Variants in KLHL32 observed in about 807,000 individuals in gnomAD.
KLHL32 encodes the protein kelch like family member 32, also known as kelch-like protein 32.
KLHL32 carries 35 observed loss-of-function variants against 64.8 expected under a neutral mutation model. The ratio of observed to expected loss-of-function variants is 0.54; its 90% confidence interval spans 0.41 to 0.72. KLHL32 has a LOEUF of 0.72. Ranked by LOEUF, KLHL32 falls within the 30% of genes least tolerant of loss-of-function variation. The pLI is 0.00. For synonymous variants in KLHL32, 259 were observed against 281.0 expected, an observed-to-expected ratio of 0.92 and a Z score of 0.78; for missense variants, 589 against 768.5, an observed-to-expected ratio of 0.77 and a Z score of 2.76.
chr6:97,068,026 AC>A (rs1790085166), intron 5 of KLHL32, among the ~76,000 whole-genome samples: 1 of 152,008 alleles, frequency 6.6e-6, no homozygotes, highest in African/African-American at 2.4e-5. Flanking sequence ...ACACACACAC[AC>A]ACACACATAC....
chr6:96,900,605 T>C, the KLHL32 span, among the ~76,000 whole-genome samples: 1 of 152,224 alleles, frequency 6.6e-6, no homozygotes, highest in Admixed American at 6.5e-5. Context: ...TAGTCCCCAC[T>C]TTGTTTCCCT....
chr6:97,008,992 A>G (rs557984987), intron 3 of KLHL32, among the ~76,000 whole-genome samples: 3 of 152,154 alleles, frequency 2.0e-5, no homozygotes, highest in East Asian at 1.9e-4. Flanking sequence ...AATTTATAAC[A>G]TCTCTGTTCA....
chr6:97,128,781 TTGGTGGCTCACC>T (rs1799136114), intron 8 of KLHL32, among the ~76,000 whole-genome samples: 1 of 152,236 alleles, frequency 6.6e-6, no homozygotes, highest in African/African-American at 2.4e-5. Context: ...TTTGCAGCGG[TTGGTGGCTCACC>T]TGGCAGGCAC....
intron 7 of KLHL32, among the ~76,000 whole-genome samples, chr6:97,125,812 A>C (rs1798811622): frequency 6.6e-6 from 1 of 152,194 alleles, no homozygotes; most frequent in African/African-American, 2.4e-5. Context: ...ATTCCCATAG[A>C]GGCTGGGATA....
intron 4 of KLHL32, among the ~76,000 whole-genome samples, chr6:97,060,517 T>C (rs1788704550): frequency 1.3e-5 from 2 of 152,108 alleles, no homozygotes; most frequent in African/African-American, 4.8e-5. Flanking sequence ...GCCCACGTCA[T>C]CATGCTCTAT....
intron 3 of KLHL32, among the ~76,000 whole-genome samples, chr6:96,982,744 C>T (rs111975251): frequency 0.011 from 1,691 of 152,032 alleles, 41 homozygotes; most frequent in African/African-American, 0.039. Flanking sequence ...TCCTGAGATG[C>T]TGCTGAAGTT....
At chr6:96,939,650 G>C (rs186070143) in intron 1 of KLHL32, among the ~76,000 whole-genome samples, 1 of 152,280 alleles carries the variant, frequency 6.6e-6, no homozygotes, top group Admixed American at 6.5e-5. Context: ...TCAACACAGT[G>C]GGGTGCAGAG....
At chr6:96,980,070 A>G (rs575532624) in intron 3 of KLHL32, among the ~76,000 whole-genome samples, 4 of 152,128 alleles carry the variant, frequency 2.6e-5, no homozygotes, top group Non-Finnish European at 4.4e-5. Flanking sequence ...GGCAGAGACT[A>G]TGTGGAGAGT....
chr6:96,921,134 A>G (rs533725461), upstream of KLHL32, among the ~76,000 whole-genome samples: 7 of 152,314 alleles, frequency 4.6e-5, no homozygotes, highest in South Asian at 2.1e-4. Flanking sequence ...ATGATGACTA[A>G]GAATCCTCTT....
chr6:96,914,369 C>A, the KLHL32 span, among the ~76,000 whole-genome samples: 1 of 152,040 alleles, frequency 6.6e-6, no homozygotes, highest in African/African-American at 2.4e-5. Flanking sequence ...TTAACTTTGA[C>A]TTTTTATCTA....
chr6:97,066,636 G>A (rs1023738393), intron 5 of KLHL32, among the ~76,000 whole-genome samples: 1 of 152,080 alleles, frequency 6.6e-6, no homozygotes, highest in African/African-American at 2.4e-5. Context: ...ACTTGTAGAA[G>A]GAAATTTTGA....
chr6:96,901,733 C>T, the KLHL32 span, among the ~76,000 whole-genome samples: 1 of 152,158 alleles, frequency 6.6e-6, no homozygotes, highest in African/African-American at 2.4e-5. Context: ...CTCCCTCCTC[C>T]CACCCTCCGA....
At position 96,985,095 on chromosome 6, in the gene KLHL32, T is replaced by C. The variant is rs148280312; in HGVS notation, c.204+8918T>C. On this transcript the variant is annotated intron_variant, in intron 3 of 10. Coordinates refer to ENST00000369261, the MANE Select transcript of KLHL32 (RefSeq NM_052904.4). ...GTGACAAAATCTCTCAGTATTTGCT[T>C]GTCTGTAACAGATTTTATTTCTCCT... Among the ~76,000 whole-genome samples, 1,379 of 152,314 alleles carry C rather than the reference T, an allele frequency of 9.1e-3. 20 individuals are homozygous for C. The highest frequency in any genetic ancestry group is 0.03 in the African/African-American group (1,251 of 41,568).
intron 3 of KLHL32, among the ~76,000 whole-genome samples, chr6:96,981,247 G>T (rs935244107): frequency 2.0e-5 from 3 of 152,044 alleles, no homozygotes; most frequent in East Asian, 3.8e-4. Flanking sequence ...ACTTCTTATT[G>T]GTCTGTACAG....
chr6:96,947,419 A>G (rs1396747221), intron 1 of KLHL32, among the ~76,000 whole-genome samples: 1 of 152,230 alleles, frequency 6.6e-6, no homozygotes, highest in African/African-American at 2.4e-5. Context: ...AGACACAACC[A>G]CATGTTAGGA....
At position 97,127,272 on chromosome 6, in the gene KLHL32, T is replaced by C. The variant is rs187260048; in HGVS notation, c.1355-132T>C. On this transcript the variant is annotated intron_variant, in intron 7 of 10. Transcript: ENST00000369261. Reference sequence around the variant, plus strand: ...AACAATAAGCTTCTTAATTATGTCATGGGCTCACCATGAGGGTATACAAAC... The same window carrying C: ...AACAATAAGCTTCTTAATTATGTCACGGGCTCACCATGAGGGTATACAAAC... 255 of 695,184 alleles carry C rather than the reference T, an allele frequency of 3.7e-4. 3 individuals are homozygous for C. Among genetic ancestry groups the C allele is most frequent in the Admixed American group, 1.1e-3 (43 of 38,744 alleles). 43.1% of individuals were successfully genotyped at this position (695,184 alleles called of 1,614,324 possible).
intron 7 of KLHL32, among the ~76,000 whole-genome samples, chr6:97,122,634 A>T (rs532049691): frequency 6.6e-6 from 1 of 152,318 alleles, no homozygotes; most frequent in East Asian, 1.9e-4. Flanking sequence ...GTCTTTCAAG[A>T]ACTGGAGAAA....
intron 1 of KLHL32, among the ~76,000 whole-genome samples, chr6:96,950,512 A>C (rs558714111): frequency 2.0e-5 from 3 of 150,526 alleles, no homozygotes; most frequent in East Asian, 1.9e-4. Context: ...AAAAAAAAAA[A>C]CCCAGACACT....
intron 3 of KLHL32, among the ~76,000 whole-genome samples, chr6:97,006,440 G>A (rs1297281350): frequency 6.6e-6 from 1 of 152,188 alleles, no homozygotes; most frequent in Non-Finnish European, 1.5e-5. Context: ...CGAGCATACA[G>A]TTGGGTCTTG....
Sources: allele counts gnomAD v4.1 joint callset (sites outside exome capture counted in the v4.1 genomes callset), GRCh38; gene constraint gnomAD v4.1.1; transcripts MANE v1.5; gene names NCBI Gene and HGNC (gene_info 2026-07-23, HGNC 2026-07-21).